DYRK1A: variants seen among roughly 807,000 people sequenced by gnomAD.
The protein encoded by DYRK1A is dual specificity tyrosine phosphorylation regulated kinase 1A, also known as dual specificity tyrosine-phosphorylation-regulated kinase 1A.
A neutral mutation model predicts 79.7 loss-of-function variants in DYRK1A; 9 were observed. The ratio of observed to expected loss-of-function variants is 0.11; its 90% confidence interval spans 0.07 to 0.20. The LOEUF (loss-of-function observed/expected upper bound fraction) is 0.20. Among genes scored for constraint, DYRK1A ranks in the 10% least tolerant of loss-of-function variants. The probability of loss-of-function intolerance (pLI) is 1.00; values close to 1 mark genes in which losing one functional copy is unlikely to be tolerated. For missense variants in DYRK1A, 622 were observed against 956.0 expected (o/e 0.65, Z 4.61); for synonymous variants, 349 against 329.7 (o/e 1.06, Z -0.63).
Position 37,522,068 on chromosome 21 carries a change from A to G in DYRK1A, c.*9537A>G, listed in dbSNP as rs1419199806. 2.0e-5 allele frequency: 3 copies of G among 152,156 alleles called. No individual in the cohort carries two copies. The highest frequency in any genetic ancestry group is 4.4e-5 in the Non-Finnish European group (3 of 68,016). 9.4% of individuals were successfully genotyped at this position (152,156 alleles called of 1,614,324 possible). A position where few individuals can be genotyped will look rare whatever the true frequency, so the allele number is the denominator to read the frequency against. On this transcript the variant is annotated 3_prime_UTR_variant, in exon 12 of 12. Coordinates refer to ENST00000647188, the MANE Select transcript of DYRK1A (RefSeq NM_001347721.2). The stretch of plus-strand genomic sequence containing the variant: ...TGGGAGGACAGCCTAGGATACGTAA[A>G]TAAGAGAATCTTGTATGTTCTAAAA...
intron 1 of DYRK1A, among the ~76,000 whole-genome samples, chr21:37,406,801 A>G (rs1056009419): frequency 7.4e-5 from 11 of 147,768 alleles, no homozygotes; most frequent in African/African-American, 2.5e-4. Flanking sequence ...ATATGTATAT[A>G]ATTATATATA....
chr21:37,472,996 G>A, intron 3 of DYRK1A, 116 bp downstream of exon 3: 1 of 780,466 alleles, frequency 1.3e-6, no homozygotes, highest in Middle Eastern at 3.1e-4. Context: ...TGCAACGTGG[G>A]ATTATGGATT....
intron 2 of DYRK1A, among the ~76,000 whole-genome samples, chr21:37,425,281 A>G (rs2050586869): frequency 6.6e-6 from 1 of 152,212 alleles, no homozygotes; most frequent in African/African-American, 2.4e-5. Flanking sequence ...AATTTTTGGC[A>G]TCCTAATGGC....
intron 1 of DYRK1A, among the ~76,000 whole-genome samples, chr21:37,411,348 T>A (rs1238401687): frequency 6.6e-6 from 1 of 151,812 alleles, no homozygotes; most frequent in Non-Finnish European, 1.5e-5. Context: ...ATAGTGAGAC[T>A]CTGTCTCCCC....
chr21:37,501,166 G>GTTT (rs34646709), intron 9 of DYRK1A, among the ~76,000 whole-genome samples: 34 of 93,952 alleles, frequency 3.6e-4, no homozygotes, highest in Non-Finnish European at 4.7e-4. Flanking sequence ...GTTGTTGTTG[G>GTTT]TTTTTTTTTT....
chr21:37,478,616 A>AGG (rs1233340245), intron 4 of DYRK1A, among the ~76,000 whole-genome samples: 1 of 152,056 alleles, frequency 6.6e-6, no homozygotes, highest in African/African-American at 2.4e-5. Flanking sequence ...AAAACAAGAA[A>AGG]GGGGAATAAG....
intron 2 of DYRK1A, among the ~76,000 whole-genome samples, chr21:37,425,315 A>G (rs533122425): frequency 6.6e-5 from 10 of 152,326 alleles, no homozygotes; most frequent in South Asian, 2.1e-4. Context: ...AAAAATAAGT[A>G]TATTAATGCT....
chr21:37,447,218 G>T (rs536680845), intron 2 of DYRK1A, among the ~76,000 whole-genome samples: 2 of 152,202 alleles, frequency 1.3e-5, no homozygotes, highest in African/African-American at 4.8e-5. Flanking sequence ...ATTCACTAAA[G>T]ATTTGTCAGT....
intron 1 of DYRK1A, among the ~76,000 whole-genome samples, chr21:37,416,971 T>A (rs1411830121): frequency 1.3e-5 from 2 of 149,054 alleles, no homozygotes; most frequent in Admixed American, 6.6e-5. Flanking sequence ...TCATACTGAT[T>A]TTTTTTCATC....
intron 2 of DYRK1A, among the ~76,000 whole-genome samples, chr21:37,450,581 G>A (rs903493775): frequency 6.6e-6 from 1 of 152,172 alleles, no homozygotes; most frequent in Non-Finnish European, 1.5e-5. Flanking sequence ...CTATATTTGG[G>A]TGAGTCAGCA....
intron 11 of DYRK1A, among the ~76,000 whole-genome samples, chr21:37,507,981 C>T (rs1486913481): frequency 6.6e-6 from 1 of 152,122 alleles, no homozygotes; most frequent in Non-Finnish European, 1.5e-5. Flanking sequence ...TCATCATTTT[C>T]ACTTCCTTCC....
intron 11 of DYRK1A, among the ~76,000 whole-genome samples, chr21:37,507,711 T>C (rs982808379): frequency 7.2e-6 from 1 of 138,400 alleles, no homozygotes; most frequent in African/African-American, 2.7e-5. Context: ...GTTTCGTTTT[T>C]TTTCTTCTAC....
chr21:37,371,669 TG>T (rs1742297420), intron 1 of DYRK1A, among the ~76,000 whole-genome samples: 1 of 152,238 alleles, frequency 6.6e-6, no homozygotes, highest in South Asian at 2.1e-4. Flanking sequence ...TTTTTTGGTT[TG>T]GGGCAGATGC....
chr21:37,445,329 G>A (rs1252501136), intron 2 of DYRK1A, among the ~76,000 whole-genome samples: 1 of 152,196 alleles, frequency 6.6e-6, no homozygotes, highest in Non-Finnish European at 1.5e-5. Flanking sequence ...TAGTAACTAA[G>A]GGGTGTTTTC....
At chr21:37,476,962 G>T (rs2052420788) in intron 3 of DYRK1A, among the ~76,000 whole-genome samples, 1 of 152,096 alleles carries the variant, frequency 6.6e-6, no homozygotes, top group African/African-American at 2.4e-5. Flanking sequence ...CAGTGTTAAT[G>T]TTGGTTCATG....
At chr21:37,389,626 C>T (rs553387882) in intron 1 of DYRK1A, among the ~76,000 whole-genome samples, 8 of 152,152 alleles carry the variant, frequency 5.3e-5, no homozygotes, top group South Asian at 2.1e-4. Flanking sequence ...TGGCAGCTTT[C>T]CTCAAATATT....
chr21:37,440,652 T>C (rs761863928), intron 2 of DYRK1A, among the ~76,000 whole-genome samples: 4 of 152,200 alleles, frequency 2.6e-5, no homozygotes, highest in African/African-American at 7.2e-5. Context: ...TATTTAGGAC[T>C]ATTTTGTTTT....
chr21:37,403,657 A>ATGTG (rs1569295416), intron 1 of DYRK1A, among the ~76,000 whole-genome samples: 74 of 124,982 alleles, frequency 5.9e-4, no homozygotes, highest in African/African-American at 2.4e-3. Context: ...AAATATATAT[A>ATGTG]TATATATGTG....
chr21:37,384,133 G>A (rs1367604095), intron 1 of DYRK1A, among the ~76,000 whole-genome samples: 1 of 152,126 alleles, frequency 6.6e-6, no homozygotes, highest in East Asian at 1.9e-4. Context: ...ATAAAGCCAC[G>A]TGGCCCCACT....
Sources: allele counts gnomAD v4.1 joint callset (sites outside exome capture counted in the v4.1 genomes callset), GRCh38; gene constraint gnomAD v4.1.1; transcripts MANE v1.5; gene names NCBI Gene and HGNC (gene_info 2026-07-23, HGNC 2026-07-21).